Variants in UNK observed in about 807,000 individuals in gnomAD.
UNK encodes the protein unk zinc finger.
Under a neutral mutation model 97.6 loss-of-function variants are expected in UNK, and 32 were observed. The observed-to-expected ratio is 0.33, with a 90% CI of 0.25 to 0.44. The LOEUF (loss-of-function observed/expected upper bound fraction) is 0.44. Among genes scored for constraint, UNK ranks in the 20% least tolerant of loss-of-function variants. The pLI is 1.00. For synonymous variants in UNK, 441 were observed against 461.2 expected (o/e 0.96, Z 0.56); for missense variants, 771 against 1,098.4 (o/e 0.70, Z 4.21).
chr17:75,817,190 G>T lies in UNK; in HGVS notation c.1105-136G>T. 1 of 1,109,046 alleles carries T rather than the reference G, an allele frequency of 9.0e-7. No homozygotes were observed. The highest frequency in any genetic ancestry group is 1.3e-6 in the Non-Finnish European group (1 of 795,574). 68.7% of individuals were successfully genotyped at this position (1,109,046 alleles called of 1,614,324 possible). A position where few individuals can be genotyped will look rare whatever the true frequency, so the allele number is the denominator to read the frequency against. ...CCTTCGTGAGCTTCGGGCTCCCCGA[G>T]TGGTCACTGCTGCTCGTTGGCAGAT... On this transcript the variant is annotated intron_variant, in intron 8 of 15. Coordinates refer to ENST00000589666, the MANE Select transcript of UNK (RefSeq NM_001080419.3). This position sits in a 1 kb window ranked among gnomAD's most constrained non-coding sequence, Gnocchi z 5.8.
At chr17:75,794,638 CAA>C (rs57508407) in intron 1 of UNK, among the ~76,000 whole-genome samples, 7 of 123,442 alleles carry the variant, frequency 5.7e-5, no homozygotes, top group Non-Finnish European at 8.8e-5. Context: ...AACTCCGTCT[CAA>C]AAAAAAAAAA....
At chr17:75,800,888 C>A (rs73352149) in intron 1 of UNK, among the ~76,000 whole-genome samples, 28,439 of 151,730 alleles carry the variant, frequency 0.19, 2,929 homozygotes, top group African/African-American at 0.26. Flanking sequence ...CTCATTGCTG[C>A]ACGTGTCAGC....
At chr17:75,790,030 C>A (rs1599356635) in intron 1 of UNK, among the ~76,000 whole-genome samples, 1 of 152,146 alleles carries the variant, frequency 6.6e-6, no homozygotes, top group Non-Finnish European at 1.5e-5. Context: ...GTAATCCCAG[C>A]TACTGAGGAG....
chr17:75,793,810 A>C (rs2143688248), intron 1 of UNK: 1 of 985,424 alleles, frequency 1.0e-6, no homozygotes, highest in South Asian at 4.7e-5. Context: ...CTTCCTATGA[A>C]ATTTTGGCCT....
Position 75,816,795 on chromosome 17 carries a change from G to T in UNK, c.987G>T (p.Gln329His). 6.2e-7 allele frequency: 1 copy of T among 1,605,278 alleles called. No homozygotes were observed. The change falls in exon 8 of 16, where the codon CAG becomes CAT. Residue 329 changes from glutamine (Q) to histidine (H), a missense_variant. By Grantham distance (24) the Gln-to-His change is conservative (BLOSUM62 0). Around this residue, in one of 5 missense-constraint regions of UNK, gnomAD observed 192 missense variants for 202.4 expected, o/e 0.95. Coordinates refer to ENST00000589666, the MANE Select transcript of UNK (RefSeq NM_001080419.3). This position sits in a 1 kb window ranked among gnomAD's most constrained non-coding sequence, Gnocchi z 4.0. ...AGCCACCCCTGAGTGACGACCTGCA[G>T]CCTTCCTCAGCTGTGTCCAGCCCCA... ...VEQPPLSDDLQPSSAVSSPTQ... is the reference protein window; with the variant it reads ...VEQPPLSDDLHPSSAVSSPTQ...
chr17:75,817,649 G>A lies in UNK; in HGVS notation c.1305+123G>A, dbSNP rs754696575. 6 of 1,065,242 alleles carry A rather than the reference G, an allele frequency of 5.6e-6. No homozygotes were observed. The highest frequency in any genetic ancestry group is 2.6e-5 in the Admixed American group (1 of 38,592). The allele number at this position is 1,065,242 out of a possible 1,614,324, so 66.0% of individuals were successfully genotyped here. On this transcript the variant is annotated intron_variant, in intron 9 of 15. Transcript: ENST00000589666. This position sits in a 1 kb window ranked among gnomAD's most constrained non-coding sequence, Gnocchi z 5.8. ...TGGGAGCTAGGACTCCACTGTCCTC[G>A]GCCTCTTCAGGACTGAACAGAGGGA...
intron 1 of UNK, among the ~76,000 whole-genome samples, chr17:75,802,399 A>G (rs570090493): frequency 6.6e-6 from 1 of 151,856 alleles, no homozygotes; most frequent in Non-Finnish European, 1.5e-5. Flanking sequence ...CTGGGACTAC[A>G]GGTGCATGCC....
chr17:75,822,556 A>G lies in UNK; in HGVS notation c.1917A>G (p.Leu639=), dbSNP rs776598601. 5.0e-5 allele frequency: 80 copies of G among 1,613,418 alleles called. No individual in the cohort carries two copies. The highest frequency in any genetic ancestry group is 6.5e-5 in the Non-Finnish European group (77 of 1,179,824). Residue 639 remains leucine, a synonymous_variant, in exon 14 of 16, where the codon CTA becomes CTG. Transcript: ENST00000589666. The part of the protein sequence containing the change: ...SFSPGTSPAF[L]SGPGAAELAR... ...CCCCGGGCACTTCCCCCGCTTTCCT[A>G]TCAGGGCCAGGGGCTGCCGAGCTGG... is the stretch of plus-strand genomic sequence containing the variant.
chr17:75,824,382 T>C lies in UNK; in HGVS notation c.2398T>C (p.Cys800Arg). The C allele has an allele frequency of 6.4e-7, 1 of 1,569,134 alleles. No homozygotes were observed. The highest frequency in any genetic ancestry group is 8.6e-7 in the Non-Finnish European group (1 of 1,161,140). ...CGCTGAGGGCAGCGAGTGCCCCATC[T>C]GCCAGCCTGGCCGGGCCCACACCCT... ...LCAEGSECPI[C>R]QPGRAHTLQS Residue 800 changes from cysteine to arginine, a missense_variant, in exon 16 of 16, where the codon TGC becomes CGC. This residue lies in a region of UNK where 208 missense variants were observed against 257.4 expected (regional missense o/e 0.81). Coordinates refer to ENST00000589666, the MANE Select transcript of UNK (RefSeq NM_001080419.3). The surrounding 1 kb of genome is among the most constrained non-coding windows in gnomAD (Gnocchi z 4.9).
In UNK at chr17:75,784,967, G is replaced by A; in HGVS notation, c.87G>A (p.Glu29=). 3 of 1,519,542 alleles carry A rather than the reference G, an allele frequency of 2.0e-6. No individual in the cohort carries two copies. The highest frequency in any genetic ancestry group is 1.4e-5 in the African/African-American group (1 of 70,650). 94.1% of individuals were successfully genotyped at this position (1,519,542 alleles called of 1,614,324 possible). ...ATAQVLQAQP[E]KPQHYTYLKE... ...CTCAGGTGCTGCAGGCACAGCCCGA[G>A]AAACCGCAGCACTACACGTACGTAG... Residue 29 remains glutamate, a synonymous_variant, in exon 1 of 16, where the codon GAG becomes GAA. Transcript: ENST00000589666.
At chr17:75,805,596 T>C (rs1280226079) in intron 1 of UNK, among the ~76,000 whole-genome samples, 2 of 150,888 alleles carry the variant, frequency 1.3e-5, no homozygotes, top group African/African-American at 2.4e-5. Flanking sequence ...CAGGAGTTCA[T>C]GACCAGCCCG....
chr17:75,810,817 G>C, intron 2 of UNK, among the ~76,000 whole-genome samples: 1 of 151,720 alleles, frequency 6.6e-6, no homozygotes, highest in East Asian at 1.9e-4. Context: ...TGCATTTTTA[G>C]TAGAGACAGG....
At chr17:75,821,278 C>T (rs2062065326) in intron 13 of UNK, 1 of 408,100 alleles carries the variant, frequency 2.5e-6, no homozygotes, top group African/African-American at 2.1e-5. Flanking sequence ...CACCATGTGA[C>T]TATTGAGCAC....
At chr17:75,807,273 G>C (rs1210430094) in intron 1 of UNK, among the ~76,000 whole-genome samples, 1 of 152,122 alleles carries the variant, frequency 6.6e-6, no homozygotes, top group Non-Finnish European at 1.5e-5. Flanking sequence ...TGCAATCCCA[G>C]CTACTCTGGA....
At chr17:75,803,259 T>A (rs2061879987) in intron 1 of UNK, among the ~76,000 whole-genome samples, 3 of 152,138 alleles carry the variant, frequency 2.0e-5, no homozygotes, top group Non-Finnish European at 1.5e-5. Flanking sequence ...AAAATTTAGC[T>A]GGGCATTGTG....
intron 1 of UNK, chr17:75,785,265 G>A: frequency 2.5e-6 from 1 of 398,532 alleles, no homozygotes; most frequent in South Asian, 3.7e-5. Flanking sequence ...AGGCCTTCGA[G>A]GCCTAACTGT....
At chr17:75,798,139 C>T (rs1478531704) in intron 1 of UNK, among the ~76,000 whole-genome samples, 3 of 148,836 alleles carry the variant, frequency 2.0e-5, no homozygotes, top group African/African-American at 5.0e-5. Context: ...GGCACGATTT[C>T]GGCTCACTGC....
chr17:75,824,451 T>C lies in UNK; in HGVS notation c.*34T>C. On this transcript the variant is annotated 3_prime_UTR_variant, in exon 16 of 16. Coordinates refer to ENST00000589666, the MANE Select transcript of UNK (RefSeq NM_001080419.3). This position sits in a 1 kb window ranked among gnomAD's most constrained non-coding sequence, Gnocchi z 4.9. Reference sequence around the variant, plus strand: ...GCCTGGCCCAGCCTGGCCCAGATCTTCTCACCTAGGACTTTTTAAAGTATA... The same window carrying C: ...GCCTGGCCCAGCCTGGCCCAGATCTCCTCACCTAGGACTTTTTAAAGTATA... 1 of 1,402,570 alleles carries C rather than the reference T, an allele frequency of 7.1e-7. No homozygotes were observed. The highest frequency in any genetic ancestry group is 2.9e-5 in the East Asian group (1 of 34,464). The allele number at this position is 1,402,570 out of a possible 1,614,324, so 86.9% of individuals were successfully genotyped here. A position where few individuals can be genotyped will look rare whatever the true frequency, so the allele number is the denominator to read the frequency against.
Position 75,819,986 on chromosome 17 carries a change from T to TC in UNK, c.1717dup (p.His573ProfsTer84). On this transcript the variant is annotated frameshift_variant, in exon 13 of 16. Transcript: ENST00000589666. LOFTEE classifies it high-confidence loss of function. The surrounding 1 kb of genome is among the most constrained non-coding windows in gnomAD (Gnocchi z 5.4). ...GGCTCCTTGGGCAGCTCTGCCTCCTTCCACTCAGCATCCCCGTCCCCTCCC... is the reference window on the plus strand; with the variant it reads ...GGCTCCTTGGGCAGCTCTGCCTCCTTCCCACTCAGCATCCCCGTCCCCTCCC... 6.2e-7 allele frequency: 1 copy of TC among 1,613,760 alleles called. No homozygotes were observed. Among genetic ancestry groups the TC allele is most frequent in the Non-Finnish European group, 8.5e-7 (1 of 1,179,840 alleles).
Sources: allele counts gnomAD v4.1 joint callset (sites outside exome capture counted in the v4.1 genomes callset), GRCh38; gene constraint gnomAD v4.1.1; regional missense constraint gnomAD v4.1.1; non-coding constraint Gnocchi (gnomAD v3.1); transcripts MANE v1.5; gene names NCBI Gene and HGNC (gene_info 2026-07-23, HGNC 2026-07-21).